Variants in ADGRD1 observed in about 807,000 individuals in gnomAD.
ADGRD1 encodes the protein G-protein coupled receptor 133.
Under a neutral mutation model 113.4 loss-of-function variants are expected in ADGRD1, and 77 were observed. That is an observed-to-expected ratio of 0.68 (90% CI 0.57 to 0.82). The LOEUF (loss-of-function observed/expected upper bound fraction) is 0.82, where lower values mean the gene tolerates loss of function less well. Ranked by LOEUF, ADGRD1 falls within the 40% of genes least tolerant of loss-of-function variation. ADGRD1 has a pLI of 0.00. For missense variants in ADGRD1, 1,036 were observed against 1,139.1 expected (o/e 0.91, Z 1.30); for synonymous variants, 474 against 475.0 (o/e 1.00, Z 0.03).
chr12:131,005,153 G>C (rs1010922349), intron 11 of ADGRD1, among the ~76,000 whole-genome samples: 4 of 152,172 alleles, frequency 2.6e-5, no homozygotes, highest in African/African-American at 9.7e-5. Flanking sequence ...AAGGTGCCCC[G>C]ACTGGTTCTC....
At chr12:131,087,228 C>T (rs964139296) in intron 15 of ADGRD1, among the ~76,000 whole-genome samples, 1 of 152,188 alleles carries the variant, frequency 6.6e-6, no homozygotes, top group Admixed American at 6.5e-5. Flanking sequence ...TATTAATTTT[C>T]TGTAGAGATG....
Position 131,015,152 on chromosome 12 carries a change from C to T in ADGRD1, c.1473+812C>T, listed in dbSNP as rs550513091. 7.9e-5 allele frequency among the ~76,000 whole-genome samples: 12 copies of T among 152,376 alleles called. 1 individual carries two copies. Among genetic ancestry groups the T allele is most frequent in the African/African-American group, 2.6e-4 (11 of 41,588 alleles). Reference sequence around the variant, plus strand: ...TTTCACTCTGCTCTATGGCCAAGGCCGACTCTGTGCGCATACCTGGGTGGG... The same window carrying T: ...TTTCACTCTGCTCTATGGCCAAGGCTGACTCTGTGCGCATACCTGGGTGGG... On this transcript the variant is annotated intron_variant, in intron 13 of 24. Coordinates refer to ENST00000261654, the MANE Select transcript of ADGRD1 (RefSeq NM_198827.5).
At chr12:131,080,932 T>C (rs1200257035) in intron 14 of ADGRD1, among the ~76,000 whole-genome samples, 1 of 152,208 alleles carries the variant, frequency 6.6e-6, no homozygotes, top group Admixed American at 6.5e-5. Context: ...GTTTTATGAA[T>C]TTTTCTTTAA....
intron 13 of ADGRD1, among the ~76,000 whole-genome samples, chr12:131,073,184 A>G (rs1394388123): frequency 6.6e-6 from 1 of 152,212 alleles, no homozygotes; most frequent in South Asian, 2.1e-4. Context: ...CTTAGCCTCT[A>G]TCAGGCTGTG....
chr12:131,053,284 GC>G lies in ADGRD1; in HGVS notation c.1474-23516del, dbSNP rs1314841378. Among the ~76,000 whole-genome samples the G allele has an allele frequency of 2.6e-5, 4 of 152,372 alleles. No homozygotes were observed. In the East Asian group the frequency reaches 5.8e-4, roughly 22 times the overall value. On this transcript the variant is annotated intron_variant, in intron 13 of 24. Coordinates refer to ENST00000261654, the MANE Select transcript of ADGRD1 (RefSeq NM_198827.5). ...TTCCACTTCCCTGCCCCGTTCCTGTGCTGTGAACATTTGCACCCTGCTTTCT... is the reference window on the plus strand; with the variant it reads ...TTCCACTTCCCTGCCCCGTTCCTGTGTGTGAACATTTGCACCCTGCTTTCT...
chr12:131,130,747 T>A (rs1194934396), intron 20 of ADGRD1, among the ~76,000 whole-genome samples: 1 of 149,638 alleles, frequency 6.7e-6, no homozygotes, highest in Non-Finnish European at 1.5e-5. Flanking sequence ...GGCCGGCCCA[T>A]CCCGTGCGGG....
At chr12:131,028,876 G>C (rs1880288473) in intron 13 of ADGRD1, among the ~76,000 whole-genome samples, 1 of 152,222 alleles carries the variant, frequency 6.6e-6, no homozygotes, top group African/African-American at 2.4e-5. Flanking sequence ...ATTCCAGGCG[G>C]CCTCGGCTAT....
chr12:130,976,351 G>A (rs967526517), intron 4 of ADGRD1, among the ~76,000 whole-genome samples: 2 of 152,172 alleles, frequency 1.3e-5, no homozygotes, highest in Non-Finnish European at 2.9e-5. Flanking sequence ...GAGGATGCAA[G>A]ATGAGCCTGA....
At chr12:130,963,431 C>T (rs1013439833) in intron 2 of ADGRD1, among the ~76,000 whole-genome samples, 1 of 151,762 alleles carries the variant, frequency 6.6e-6, no homozygotes, top group Non-Finnish European at 1.5e-5. Flanking sequence ...TCGATTTCTT[C>T]ACTCCCAAAA....
chr12:131,090,976 T>A (rs1467132829), intron 15 of ADGRD1, among the ~76,000 whole-genome samples: 1 of 152,206 alleles, frequency 6.6e-6, no homozygotes. Context: ...CATCTCTGGG[T>A]GCTTCTAACT....
intron 7 of ADGRD1, 74 bp downstream of exon 7, chr12:130,991,152 A>T (rs1874332022): frequency 1.7e-5 from 21 of 1,225,020 alleles, no homozygotes; most frequent in Non-Finnish European, 3.6e-6. Context: ...GAGAGAGAAA[A>T]TTCCATTAGG....
rs1340161951 is a variant in ADGRD1 at position 131,022,608 on chromosome 12, C to G, written c.1473+8268C>G. 6.6e-6 allele frequency among the ~76,000 whole-genome samples: 1 copy of G among 152,222 alleles called. No individual in the cohort carries two copies. The highest frequency in any genetic ancestry group is 1.5e-5 in the Non-Finnish European group (1 of 68,042). The stretch of plus-strand genomic sequence containing the variant: ...GTTGCTCCCGTTGTCGCGGCCGTGA[C>G]CGTCGGGAGCTCTGTCCAGTTGGTT... On this transcript the variant is annotated intron_variant, in intron 13 of 24. Transcript: ENST00000261654. This position sits in a 1 kb window ranked among gnomAD's most constrained non-coding sequence, Gnocchi z 4.6.
chr12:131,029,377 T>C (rs1880349565), intron 13 of ADGRD1, among the ~76,000 whole-genome samples: 1 of 152,212 alleles, frequency 6.6e-6, no homozygotes, highest in Non-Finnish European at 1.5e-5. Context: ...ACTGGATACA[T>C]GTGGCTAATC....
Position 131,113,142 on chromosome 12 carries a change from C to T in ADGRD1, c.2041+4265C>T, listed in dbSNP as rs186590835. 5.5e-4 allele frequency among the ~76,000 whole-genome samples: 84 copies of T among 152,328 alleles called. No homozygotes were observed. The highest frequency in any genetic ancestry group is 2.0e-3 in the African/African-American group (84 of 41,564). ...AGCTGGGCAGGGAAGCAGGTTTTGG[C>T]TGAAGTGCCACAGACTCAGTCTTCT... On this transcript the variant is annotated intron_variant, in intron 18 of 24. Coordinates refer to ENST00000261654, the MANE Select transcript of ADGRD1 (RefSeq NM_198827.5). The surrounding 1 kb of genome is among the most constrained non-coding windows in gnomAD (Gnocchi z 4.9).
intron 13 of ADGRD1, among the ~76,000 whole-genome samples, chr12:131,019,668 G>A (rs1297530849): frequency 2.0e-5 from 3 of 152,178 alleles, no homozygotes; most frequent in Non-Finnish European, 2.9e-5. Context: ...CTCATCAGAC[G>A]GCCTCAGCTC....
intron 13 of ADGRD1, among the ~76,000 whole-genome samples, chr12:131,042,462 GAAGTA>G (rs1450731866): frequency 4.6e-5 from 7 of 152,230 alleles, no homozygotes; most frequent in African/African-American, 1.4e-4. Flanking sequence ...ATGAATGAAT[GAAGTA>G]GACATAAGAA....
chr12:131,055,844 C>A (rs1284944337), intron 13 of ADGRD1, among the ~76,000 whole-genome samples: 2 of 152,148 alleles, frequency 1.3e-5, no homozygotes, highest in Non-Finnish European at 2.9e-5. Context: ...CCATTCTTTT[C>A]TAAGTAAAAC....
At chr12:131,034,417 C>T (rs1418214066) in intron 13 of ADGRD1, among the ~76,000 whole-genome samples, 2 of 152,218 alleles carry the variant, frequency 1.3e-5, no homozygotes, top group African/African-American at 4.8e-5. Context: ...GCCAGCCACT[C>T]GCCACATCAG....
intron 14 of ADGRD1, among the ~76,000 whole-genome samples, chr12:131,083,995 G>A (rs950039776): frequency 1.3e-5 from 2 of 152,170 alleles, no homozygotes; most frequent in Non-Finnish European, 2.9e-5. Flanking sequence ...GTCACTGTAC[G>A]TTGTGTTTTG....
Sources: gnomAD v4.1 joint callset for allele counts (sites outside exome capture counted in the v4.1 genomes callset) on GRCh38, gnomAD v4.1.1 for gene constraint, Gnocchi (gnomAD v3.1) non-coding constraint, MANE v1.5 for transcripts, NCBI Gene and HGNC (gene_info 2026-07-23, HGNC 2026-07-21) for gene names.